Variants in SV2C observed in about 807,000 individuals in gnomAD.
The protein encoded by SV2C is solute carrier family 22 member B3.
Under a neutral mutation model 79.7 loss-of-function variants are expected in SV2C, and 49 were observed. The observed-to-expected ratio is 0.61, with a 90% CI of 0.49 to 0.78. The LOEUF (loss-of-function observed/expected upper bound fraction) is 0.78, where lower values mean the gene tolerates loss of function less well. Ranked by LOEUF, SV2C falls within the 30% of genes least tolerant of loss-of-function variation. The pLI, the probability that SV2C is intolerant of heterozygous loss-of-function variation, is 0.00. For synonymous variants in SV2C, 334 were observed against 333.2 expected (o/e 1.00, Z -0.03); for missense variants, 833 against 912.9 (o/e 0.91, Z 1.13).
chr5:75,954,512 C>T, the SV2C span, among the ~76,000 whole-genome samples: 1 of 151,800 alleles, frequency 6.6e-6, no homozygotes, highest in South Asian at 2.1e-4. Flanking sequence ...CTCACCACTC[C>T]TATTCAACAT....
the SV2C span, chr5:75,921,686 A>G: frequency 1.7e-6 from 1 of 588,604 alleles, no homozygotes; most frequent in South Asian, 1.6e-5. Context: ...GTAAACAGCA[A>G]TGGATATACC....
At chr5:75,854,415 T>C in the SV2C span, among the ~76,000 whole-genome samples, 1 of 152,316 alleles carries the variant, frequency 6.6e-6, no homozygotes, top group East Asian at 1.9e-4. Context: ...ATGGTAAATG[T>C]ATGTTTTTGT....
At chr5:76,178,474 C>A (rs1743612401) in intron 2 of SV2C, among the ~76,000 whole-genome samples, 1 of 151,648 alleles carries the variant, frequency 6.6e-6, no homozygotes, top group Non-Finnish European at 1.5e-5. Context: ...TTTTTAATTC[C>A]AATTTTGAAA....
At chr5:75,904,655 C>T in the SV2C span, among the ~76,000 whole-genome samples, 28 of 152,182 alleles carry the variant, frequency 1.8e-4, no homozygotes, top group Non-Finnish European at 1.9e-4. Flanking sequence ...ATGTCTTCCT[C>T]CCAAGCTTAC....
chr5:76,188,284 CT>C (rs1209367905), intron 2 of SV2C, among the ~76,000 whole-genome samples: 1 of 152,054 alleles, frequency 6.6e-6, no homozygotes, highest in African/African-American at 2.4e-5. Context: ...ATAATTGTTG[CT>C]TATTGGACAA....
At chr5:76,133,520 T>C (rs1173634933) in intron 2 of SV2C, among the ~76,000 whole-genome samples, 1 of 152,246 alleles carries the variant, frequency 6.6e-6, no homozygotes, top group Non-Finnish European at 1.5e-5. Context: ...CATCTTTTTA[T>C]TCCTTTAACA....
rs182012624 is a variant in SV2C at position 76,283,893 on chromosome 5, G to T, written c.914-1269G>T. Among the ~76,000 whole-genome samples, 718 of 152,276 alleles carry T rather than the reference G, an allele frequency of 4.7e-3. 4 individuals are homozygous for T. The highest frequency in any genetic ancestry group is 0.017 in the African/African-American group (686 of 41,560). The stretch of plus-strand genomic sequence containing the variant: ...GGTGTAACTTCAGCTCTGTGGCCTT[G>T]AGGAAGTTACATCACCTTCAGAATC... On this transcript the variant is annotated intron_variant, in intron 4 of 12. Coordinates refer to ENST00000502798, the MANE Select transcript of SV2C (RefSeq NM_014979.4).
At chr5:76,296,364 A>AATACGCT (rs1475580426) in intron 9 of SV2C, among the ~76,000 whole-genome samples, 8 of 152,250 alleles carry the variant, frequency 5.3e-5, no homozygotes, top group Non-Finnish European at 4.4e-5. Flanking sequence ...GCCACTTTTC[A>AATACGCT]GAATTCATCC....
At chr5:76,071,844 C>T in the SV2C span, among the ~76,000 whole-genome samples, 13 of 152,140 alleles carry the variant, frequency 8.5e-5, no homozygotes, top group Non-Finnish European at 1.9e-4. Flanking sequence ...TTCCCTTGAG[C>T]AGGAAAATAA....
chr5:76,224,472 T>C (rs1332382609), intron 4 of SV2C, among the ~76,000 whole-genome samples: 1 of 152,178 alleles, frequency 6.6e-6, no homozygotes, highest in Non-Finnish European at 1.5e-5. Flanking sequence ...TTAACACCAT[T>C]AGCAAGTCTT....
At chr5:75,885,627 A>G in the SV2C span, among the ~76,000 whole-genome samples, 1 of 152,114 alleles carries the variant, frequency 6.6e-6, no homozygotes, top group Admixed American at 6.6e-5. Flanking sequence ...GTAGTGCACT[A>G]CAGCCTGGAA....
chr5:76,037,344 C>T, the SV2C span, among the ~76,000 whole-genome samples: 11 of 152,328 alleles, frequency 7.2e-5, no homozygotes, highest in African/African-American at 2.4e-4. Flanking sequence ...TTTCCAGTTT[C>T]TCTGCTCTGT....
At chr5:76,260,677 C>T (rs551877598) in intron 4 of SV2C, among the ~76,000 whole-genome samples, 1 of 152,256 alleles carries the variant, frequency 6.6e-6, no homozygotes, top group Non-Finnish European at 1.5e-5. Context: ...CCAGTTTTCC[C>T]AGTACCATTT....
At chr5:75,854,486 T>C in the SV2C span, among the ~76,000 whole-genome samples, 1 of 152,214 alleles carries the variant, frequency 6.6e-6, no homozygotes, top group African/African-American at 2.4e-5. Flanking sequence ...CCTAATGACA[T>C]ATTCTCATAT....
the SV2C span, among the ~76,000 whole-genome samples, chr5:75,985,274 C>CATT: frequency 6.6e-6 from 1 of 151,952 alleles, no homozygotes; most frequent in Non-Finnish European, 1.5e-5. Context: ...AGAGGGAGGG[C>CATT]ATTAATCTAT....
chr5:76,309,630 A>AAAAAAAAAAAC (rs1554046996), intron 12 of SV2C, among the ~76,000 whole-genome samples: 2 of 131,872 alleles, frequency 1.5e-5, no homozygotes, highest in Admixed American at 8.2e-5. Context: ...AAAAAACAGA[A>AAAAAAAAAAAC]AGAAAGAAAG....
intron 1 of SV2C, among the ~76,000 whole-genome samples, chr5:76,115,174 C>T (rs1019896934): frequency 6.6e-6 from 1 of 152,134 alleles, no homozygotes; most frequent in Non-Finnish European, 1.5e-5. Context: ...AACAATCGCG[C>T]GTTGGTCCCA....
Position 76,131,773 on chromosome 5 carries a change from G to A in SV2C, c.23G>A (p.Arg8Lys), listed in dbSNP as rs2112186168. The change falls in exon 2 of 13, where the codon AGG becomes AAG. Residue 8 changes from arginine (R) to lysine (K), a missense_variant. Transcript: ENST00000502798. Reference protein sequence around the residue: MEDSYKDRTSLMKGAKDI... With the variant: MEDSYKDKTSLMKGAKDI... ...AAGATGGAAGACTCTTACAAGGATA[G>A]GACTTCACTGATGAAGGGTGCCAAG... 1 of 1,612,840 alleles carries A rather than the reference G, an allele frequency of 6.2e-7. No individual in the cohort carries two copies. Among genetic ancestry groups the A allele is most frequent in the Non-Finnish European group, 8.5e-7 (1 of 1,179,384 alleles).
intron 2 of SV2C, among the ~76,000 whole-genome samples, chr5:76,142,364 TTTAAA>T (rs1749281233): frequency 1.3e-5 from 2 of 152,366 alleles, no homozygotes; most frequent in East Asian, 1.9e-4. Context: ...TTTAATGATC[TTTAAA>T]TTATTTTCAC....
Sources: gnomAD v4.1 joint callset for allele counts (sites outside exome capture counted in the v4.1 genomes callset) on GRCh38, gnomAD v4.1.1 for gene constraint, MANE v1.5 for transcripts, NCBI Gene and HGNC (gene_info 2026-07-23, HGNC 2026-07-21) for gene names.